Variants in CNTN5 observed in about 807,000 individuals in gnomAD.
The protein encoded by CNTN5 is contactin 5.
CNTN5 carries 77 observed loss-of-function variants against 129.1 expected under a neutral mutation model. The observed-to-expected ratio is 0.60, with a 90% CI of 0.50 to 0.72. CNTN5 has a LOEUF of 0.72. CNTN5 is among the 30% of genes least tolerant of loss of function. The pLI is 0.00. For missense variants in CNTN5, 1,478 were observed against 1,328.8 expected (o/e 1.11, Z -1.75); for synonymous variants, 509 against 465.6 (o/e 1.09, Z -1.20).
intron 2 of CNTN5, among the ~76,000 whole-genome samples, chr11:99,504,259 G>A (rs1366338986): frequency 6.6e-6 from 1 of 152,112 alleles, no homozygotes; most frequent in African/African-American, 2.4e-5. Context: ...AGAAATTAAA[G>A]TGGCTGGGCG....
At chr11:99,977,925 G>C (rs1220150049) in intron 8 of CNTN5, among the ~76,000 whole-genome samples, 1 of 152,178 alleles carries the variant, frequency 6.6e-6, no homozygotes, top group Non-Finnish European at 1.5e-5. Flanking sequence ...GTTCAACAAT[G>C]AGAATTTCAG....
At position 99,683,676 on chromosome 11, in the gene CNTN5, G is replaced by T. The variant is rs919408887; in HGVS notation, c.55+127407G>T. Among the ~76,000 whole-genome samples the T allele has an allele frequency of 2.0e-5, 3 of 151,844 alleles. No homozygotes were observed. In the South Asian group the frequency reaches 6.2e-4, roughly 32 times the overall value. ...AGTTTTCACACACAAAAAGAATGAG[G>T]TTTGTTTGGGAGTACATTGAGTCTA... On this transcript the variant is annotated intron_variant, in intron 3 of 24. Coordinates refer to ENST00000524871, the MANE Select transcript of CNTN5 (RefSeq NM_014361.4).
intron 9 of CNTN5, among the ~76,000 whole-genome samples, chr11:100,027,417 A>G (rs1408983661): frequency 2.0e-5 from 3 of 152,200 alleles, no homozygotes; most frequent in African/African-American, 7.2e-5. Flanking sequence ...GTTAAGGTTA[A>G]GACCTTTCTT....
At chr11:99,363,632 C>A (rs755981611) in intron 2 of CNTN5, among the ~76,000 whole-genome samples, 1 of 151,948 alleles carries the variant, frequency 6.6e-6, no homozygotes. Flanking sequence ...TTTTCTAATC[C>A]TTTTCCTAGG....
chr11:99,274,785 C>T (rs944419686), intron 1 of CNTN5, among the ~76,000 whole-genome samples: 29 of 151,518 alleles, frequency 1.9e-4, no homozygotes, highest in African/African-American at 6.8e-4. Flanking sequence ...TCATTTTCCA[C>T]ATTAGTAAAT....
intron 1 of CNTN5, among the ~76,000 whole-genome samples, chr11:99,306,885 T>G (rs1425739107): frequency 2.0e-5 from 3 of 152,038 alleles, no homozygotes; most frequent in Admixed American, 2.0e-4. Flanking sequence ...CTTCTAAAAG[T>G]ATTAAGAAGT....
intron 2 of CNTN5, among the ~76,000 whole-genome samples, chr11:99,526,491 G>T (rs1004561869): frequency 2.6e-5 from 4 of 152,218 alleles, no homozygotes; most frequent in African/African-American, 9.7e-5. Flanking sequence ...CAAACAAAAT[G>T]CAGGGATTTT....
chr11:99,472,519 C>A (rs1945214607), intron 2 of CNTN5, among the ~76,000 whole-genome samples: 1 of 152,142 alleles, frequency 6.6e-6, no homozygotes, highest in African/African-American at 2.4e-5. Context: ...GTTTTTCTGT[C>A]TGTTTGTTCA....
chr11:99,632,393 A>C (rs1951392775), intron 3 of CNTN5, among the ~76,000 whole-genome samples: 1 of 152,042 alleles, frequency 6.6e-6, no homozygotes, highest in Non-Finnish European at 1.5e-5. Flanking sequence ...CATTTTTCCC[A>C]TTTCACAGCT....
intron 10 of CNTN5, among the ~76,000 whole-genome samples, chr11:100,063,047 A>G (rs772773348): frequency 4.6e-5 from 7 of 152,154 alleles, no homozygotes; most frequent in Non-Finnish European, 1.0e-4. Flanking sequence ...AATGTAAAGC[A>G]TGCCTGTTAC....
chr11:100,057,503 ATCAT>A (rs1402545044), intron 9 of CNTN5, among the ~76,000 whole-genome samples: 7 of 151,782 alleles, frequency 4.6e-5, no homozygotes, highest in East Asian at 1.9e-4. Flanking sequence ...TATTTTGACA[ATCAT>A]TCATTCACTT....
intron 15 of CNTN5, among the ~76,000 whole-genome samples, chr11:100,209,993 T>C (rs904096213): frequency 6.6e-6 from 1 of 152,064 alleles, no homozygotes; most frequent in Admixed American, 6.6e-5. Flanking sequence ...GCATTTATTA[T>C]ATAAAGCTGT....
intron 21 of CNTN5, chr11:100,337,447 T>C: frequency 1.3e-6 from 1 of 750,626 alleles, no homozygotes; most frequent in South Asian, 1.4e-5. Flanking sequence ...CAAAATCAGG[T>C]GTTGAATGTG....
At chr11:99,761,142 C>G (rs1219047) in intron 3 of CNTN5, among the ~76,000 whole-genome samples, 71,915 of 151,702 alleles carry the variant, frequency 0.47, 17,513 homozygotes, top group Non-Finnish European at 0.54. Context: ...TTGGGTAAAA[C>G]GTGATAAGAA....
intron 21 of CNTN5, chr11:100,309,486 A>G: frequency 1.0e-6 from 1 of 968,286 alleles, no homozygotes; most frequent in Non-Finnish European, 1.2e-6. Context: ...ACCTACTTAT[A>G]CAATATCATG....
At chr11:99,982,828 A>T (rs1938432152) in intron 8 of CNTN5, among the ~76,000 whole-genome samples, 1 of 152,022 alleles carries the variant, frequency 6.6e-6, no homozygotes, top group South Asian at 2.1e-4. Flanking sequence ...TTTTTAGTAG[A>T]TACGGGGTTT....
intron 2 of CNTN5, among the ~76,000 whole-genome samples, chr11:99,535,367 A>G (rs2466901): frequency 0.99 from 150,373 of 152,316 alleles, 74,269 homozygotes; most frequent in East Asian, 1. Context: ...AGTAGACAGA[A>G]TAGAAATATC....
chr11:99,321,203 TACACACAC>T lies in CNTN5; in HGVS notation c.-209-4128_-209-4121del, dbSNP rs35215096. ...ATCACATAAACTAATTCCAATTGCA[TACACACAC>T]ACACACACACACACGTGTGCACATA... On this transcript the variant is annotated intron_variant, in intron 1 of 24. Coordinates refer to ENST00000524871, the MANE Select transcript of CNTN5 (RefSeq NM_014361.4). Among the ~76,000 whole-genome samples, 4 of 148,380 alleles carry T rather than the reference TACACACAC, an allele frequency of 2.7e-5. No homozygotes were observed. The East Asian group carries it at 6.0e-4, about 22-fold the overall frequency.
At chr11:99,790,769 C>A (rs959919426) in intron 3 of CNTN5, among the ~76,000 whole-genome samples, 2 of 152,090 alleles carry the variant, frequency 1.3e-5, no homozygotes, top group African/African-American at 4.8e-5. Flanking sequence ...CAATGCTGAA[C>A]TAAGTTACAT....
Sources: allele counts gnomAD v4.1 joint callset (sites outside exome capture counted in the v4.1 genomes callset), GRCh38; gene constraint gnomAD v4.1.1; transcripts MANE v1.5; gene names NCBI Gene and HGNC (gene_info 2026-07-23, HGNC 2026-07-21).